CNTLN: variants seen among roughly 807,000 people sequenced by gnomAD.
CNTLN encodes centlein, centrosomal protein.
Under a neutral mutation model 180.0 loss-of-function variants are expected in CNTLN, and 212 were observed. The ratio of observed to expected loss-of-function variants is 1.18; its 90% CI spans 1.05 to 1.32. The LOEUF (loss-of-function observed/expected upper bound fraction) is 1.32. CNTLN is among the 40% of genes most tolerant of loss of function. The pLI is 0.00. For synonymous variants in CNTLN, 722 were observed against 563.1 expected (o/e 1.28, Z -3.99); for missense variants, 2,095 against 1,610.9 (o/e 1.30, Z -5.14).
chr9:17,249,968 T>C (rs1826043408), intron 5 of CNTLN, among the ~76,000 whole-genome samples: 1 of 150,850 alleles, frequency 6.6e-6, no homozygotes, highest in Non-Finnish European at 1.5e-5. Context: ...AGTTATTTAA[T>C]GTGGAATATT....
intron 7 of CNTLN, among the ~76,000 whole-genome samples, chr9:17,308,233 CTT>C (rs1001208559): frequency 1.1e-4 from 16 of 143,226 alleles, no homozygotes; most frequent in African/African-American, 3.6e-4. Flanking sequence ...TTTTAATAAA[CTT>C]AAATTTATTT....
chr9:17,227,064 G>A (rs1824519517), intron 3 of CNTLN, among the ~76,000 whole-genome samples: 2 of 151,724 alleles, frequency 1.3e-5, no homozygotes, highest in Non-Finnish European at 2.9e-5. Context: ...ATTTGACCCA[G>A]CCATCCCATT....
At chr9:17,293,146 T>C (rs551466566) in intron 6 of CNTLN, among the ~76,000 whole-genome samples, 2 of 152,310 alleles carry the variant, frequency 1.3e-5, no homozygotes, top group African/African-American at 4.8e-5. Context: ...TGCTACTTCC[T>C]CTGGCTGGGA....
At chr9:17,267,084 A>T in intron 5 of CNTLN, among the ~76,000 whole-genome samples, 1 of 152,074 alleles carries the variant, frequency 6.6e-6, no homozygotes, top group African/African-American at 2.4e-5. Context: ...TGTCATTATG[A>T]TGTTAGCTGG....
intron 2 of CNTLN, among the ~76,000 whole-genome samples, chr9:17,149,170 G>C (rs542663119): frequency 3.3e-5 from 5 of 152,176 alleles, no homozygotes; most frequent in Non-Finnish European, 7.3e-5. Context: ...TGTCTGCATA[G>C]TATTCCATGG....
intron 6 of CNTLN, among the ~76,000 whole-genome samples, chr9:17,275,792 A>G (rs1587454639): frequency 1.3e-5 from 2 of 152,184 alleles, no homozygotes; most frequent in East Asian, 3.8e-4. Flanking sequence ...CAATAGTAAA[A>G]GAATAATAGC....
At chr9:17,225,221 T>G (rs1002060983) in intron 2 of CNTLN, among the ~76,000 whole-genome samples, 4 of 151,984 alleles carry the variant, frequency 2.6e-5, no homozygotes, top group African/African-American at 9.7e-5. Context: ...CAGCTTCATT[T>G]CATGAGTTAG....
intron 2 of CNTLN, among the ~76,000 whole-genome samples, chr9:17,188,789 T>A (rs1821598387): frequency 6.6e-6 from 1 of 152,156 alleles, no homozygotes; most frequent in South Asian, 2.1e-4. Flanking sequence ...TCATGTTTTC[T>A]TTTAAATTAT....
At chr9:17,222,938 C>G (rs996877643) in intron 2 of CNTLN, among the ~76,000 whole-genome samples, 1 of 151,946 alleles carries the variant, frequency 6.6e-6, no homozygotes, top group Non-Finnish European at 1.5e-5. Flanking sequence ...AAATCACTCC[C>G]TAGGTGAACT....
chr9:17,205,170 T>C (rs1411230906), intron 2 of CNTLN, among the ~76,000 whole-genome samples: 1 of 152,128 alleles, frequency 6.6e-6, no homozygotes, highest in Non-Finnish European at 1.5e-5. Context: ...GTGAGACCAC[T>C]TGGCTCCCTG....
intron 9 of CNTLN, 94 bp downstream of exon 9, chr9:17,330,902 G>A (rs748184172): frequency 3.6e-5 from 42 of 1,170,502 alleles, no homozygotes; most frequent in Non-Finnish European, 4.8e-5. Context: ...TTACTTCTCT[G>A]CTTGTATTTC....
At chr9:17,366,964 T>A (rs772897620) in intron 13 of CNTLN, among the ~76,000 whole-genome samples, 8 of 152,092 alleles carry the variant, frequency 5.3e-5, no homozygotes, top group Non-Finnish European at 1.0e-4. Flanking sequence ...TAGAAGACTT[T>A]ATGCTGTGGG....
At chr9:17,308,904 A>G (rs1483207850) in intron 7 of CNTLN, among the ~76,000 whole-genome samples, 154 bp from the exon 8 acceptor site, 4 of 150,884 alleles carry the variant, frequency 2.7e-5, no homozygotes, top group African/African-American at 4.9e-5. Flanking sequence ...TTTTGTGTTT[A>G]TATCTTCTTT....
In CNTLN at chr9:17,258,814, A is replaced by G. The variant is rs1004688179; in HGVS notation, c.850-14919A>G. Among the ~76,000 whole-genome samples, 25 of 144,944 alleles carry G rather than the reference A, an allele frequency of 1.7e-4. 1 individual carries two copies. Among genetic ancestry groups the G allele is most frequent in the African/African-American group, 6.2e-4 (23 of 37,214 alleles). On this transcript the variant is annotated intron_variant, in intron 5 of 25. Coordinates refer to ENST00000380647, the MANE Select transcript of CNTLN (RefSeq NM_017738.4). The stretch of plus-strand genomic sequence containing the variant: ...GTATAAGAATGCTTGTGATTTTTGT[A>G]CATTGATTTTGTATCCTGAGACTTT...
intron 18 of CNTLN, among the ~76,000 whole-genome samples, chr9:17,418,856 A>G (rs912258328): frequency 6.6e-6 from 1 of 152,082 alleles, no homozygotes; most frequent in African/African-American, 2.4e-5. Context: ...AAGACTTTCA[A>G]CTTTTTCATA....
At chr9:17,201,730 C>T (rs568006137) in intron 2 of CNTLN, among the ~76,000 whole-genome samples, 4 of 151,596 alleles carry the variant, frequency 2.6e-5, no homozygotes, top group Non-Finnish European at 5.9e-5. Flanking sequence ...CTCTTTTGTT[C>T]TTTATTATTA....
At chr9:17,207,659 G>A (rs902453847) in intron 2 of CNTLN, among the ~76,000 whole-genome samples, 6 of 151,886 alleles carry the variant, frequency 4.0e-5, no homozygotes, top group East Asian at 1.9e-4. Flanking sequence ...CTCACCCTCC[G>A]TGCTTTGTAC....
chr9:17,473,452 C>T (rs1284426535), intron 23 of CNTLN, among the ~76,000 whole-genome samples: 1 of 152,136 alleles, frequency 6.6e-6, no homozygotes. Flanking sequence ...CCGTCTAGAG[C>T]TAATACCTCA....
chr9:17,315,264 G>A (rs1819462522), intron 8 of CNTLN, among the ~76,000 whole-genome samples: 1 of 152,014 alleles, frequency 6.6e-6, no homozygotes, highest in South Asian at 2.1e-4. Flanking sequence ...GGATAGAACT[G>A]TTGATTTGCA....
Sources: gnomAD v4.1 joint callset for allele counts (sites outside exome capture counted in the v4.1 genomes callset) on GRCh38, gnomAD v4.1.1 for gene constraint, MANE v1.5 for transcripts, NCBI Gene and HGNC (gene_info 2026-07-23, HGNC 2026-07-21) for gene names.